The following AIDA variants were observed in gnomAD, a reference collection of about 807,000 sequenced individuals.
AIDA encodes axin interactor, dorsalization-associated protein.
Under a neutral mutation model 42.7 loss-of-function variants are expected in AIDA, and 18 were observed. That is an observed-to-expected ratio of 0.42 (90% CI 0.29 to 0.63). The LOEUF (loss-of-function observed/expected upper bound fraction) is 0.63, where lower values mean the gene tolerates loss of function less well. AIDA is among the 20% of genes least tolerant of loss of function. The pLI is 0.19. For missense variants in AIDA, 250 were observed against 354.1 expected (o/e 0.71, Z 2.36); for synonymous variants, 104 against 122.9 (o/e 0.85, Z 1.02).
At position 222,700,985 on chromosome 1, in the gene AIDA, C is replaced by A. The variant is rs1451801326; in HGVS notation, c.180+2163G>T. ...TTGATTTTTTTTGGGGGGGGGGGGA[C>A]AGGGTCTCACTGTGTCGCCCAGGCT... On this transcript the variant is annotated intron_variant, in intron 2 of 9. Transcript: ENST00000340020. Among the ~76,000 whole-genome samples, 123 of 99,762 alleles carry A rather than the reference C, an allele frequency of 1.2e-3. 2 individuals carry two copies. The highest frequency in any genetic ancestry group is 5.2e-3 in the African/African-American group (112 of 21,388). The allele number at this position is 99,762 out of a possible 152,430, so 65.4% of individuals were successfully genotyped here. A position where few individuals can be genotyped will look rare whatever the true frequency, so the allele number is the denominator to read the frequency against.
In AIDA at chr1:222,687,677, G is replaced by C; in HGVS notation, c.290-19C>G. On this transcript the variant is annotated intron_variant, in intron 4 of 9. Transcript: ENST00000340020. ...TTTAGGACTAGAATAAGAAGATAAA[G>C]AAACATGAATTCTTCCATGAAGCAA... 6.9e-7 allele frequency: 1 copy of C among 1,442,468 alleles called. No individual in the cohort carries two copies. The highest frequency in any genetic ancestry group is 9.4e-7 in the Non-Finnish European group (1 of 1,069,512). 89.4% of individuals were successfully genotyped at this position (1,442,468 alleles called of 1,614,324 possible). A position where few individuals can be genotyped will look rare whatever the true frequency, so the allele number is the denominator to read the frequency against.
intron 6 of AIDA, among the ~76,000 whole-genome samples, chr1:222,680,110 T>C (rs899616424): frequency 6.6e-6 from 1 of 152,222 alleles, no homozygotes; most frequent in Non-Finnish European, 1.5e-5. Flanking sequence ...GCCCCTGCAA[T>C]GGGCTTTGTA....
At chr1:222,680,630 C>G (rs1297805254) in intron 6 of AIDA, among the ~76,000 whole-genome samples, 1 of 152,102 alleles carries the variant, frequency 6.6e-6, no homozygotes, top group African/African-American at 2.4e-5. Flanking sequence ...TCCAAGTTGC[C>G]TCATCTGTGA....
chr1:222,693,710 C>A, intron 4 of AIDA, 79 bp downstream of exon 4: 1 of 1,209,848 alleles, frequency 8.3e-7, no homozygotes, highest in South Asian at 1.4e-5. Context: ...AAATCATAAT[C>A]TTTGTTAAAT....
chr1:222,690,217 G>A (rs1655336314), intron 4 of AIDA, among the ~76,000 whole-genome samples: 1 of 152,158 alleles, frequency 6.6e-6, no homozygotes, highest in South Asian at 2.1e-4. Context: ...ATATACACAT[G>A]TACTTCCATA....
At chr1:222,689,074 TA>T (rs924880046) in intron 4 of AIDA, among the ~76,000 whole-genome samples, 1 of 151,390 alleles carries the variant, frequency 6.6e-6, no homozygotes, top group Non-Finnish European at 1.5e-5. Context: ...TCTTAGTTGT[TA>T]AAAAAAAGTT....
chr1:222,671,079 T>C (rs1157966007), intron 8 of AIDA, among the ~76,000 whole-genome samples: 3 of 151,956 alleles, frequency 2.0e-5, no homozygotes, highest in East Asian at 3.9e-4. Flanking sequence ...ATTTTAAAAA[T>C]AGCCAGGCTC....
Position 222,711,897 on chromosome 1 carries a change from C to G in AIDA, c.110+311G>C, listed in dbSNP as rs569837392. 9.6e-5 allele frequency: 28 copies of G among 293,136 alleles called. No homozygotes were observed. In the East Asian group the frequency reaches 1.9e-3, roughly 20 times the overall value. 18.2% of individuals were successfully genotyped at this position (293,136 alleles called of 1,614,324 possible). A position where few individuals can be genotyped will look rare whatever the true frequency, so the allele number is the denominator to read the frequency against. On this transcript the variant is annotated intron_variant, in intron 1 of 9. Coordinates refer to ENST00000340020, the MANE Select transcript of AIDA (RefSeq NM_022831.4). ...AACTGACTGCCAAGTGGGGGACCCGCGAGACGGTGGAAAGGAACTAAGCAG... is the reference window on the plus strand; with the variant it reads ...AACTGACTGCCAAGTGGGGGACCCGGGAGACGGTGGAAAGGAACTAAGCAG...
intron 2 of AIDA, among the ~76,000 whole-genome samples, chr1:222,702,728 G>A (rs1235752897): frequency 6.6e-6 from 1 of 152,240 alleles, no homozygotes; most frequent in African/African-American, 2.4e-5. Flanking sequence ...GTAGACAGGA[G>A]TTAGGAAAGT....
intron 6 of AIDA, among the ~76,000 whole-genome samples, chr1:222,679,559 T>C (rs1337742850): frequency 6.6e-6 from 1 of 152,238 alleles, no homozygotes; most frequent in Admixed American, 6.5e-5. Flanking sequence ...ACTAACTCAT[T>C]TAATCCTCCC....
intron 2 of AIDA, among the ~76,000 whole-genome samples, chr1:222,700,981 G>T (rs533891619): frequency 1.2e-4 from 17 of 144,806 alleles, no homozygotes; most frequent in East Asian, 4.0e-4. Flanking sequence ...TGGGGGGGGG[G>T]GGACAGGGTC....
chr1:222,679,988 T>C (rs1383475492), intron 6 of AIDA, among the ~76,000 whole-genome samples: 1 of 152,212 alleles, frequency 6.6e-6, no homozygotes, highest in Non-Finnish European at 1.5e-5. Context: ...AATCCCAGGG[T>C]GTCCCTGAAC....
intron 2 of AIDA, among the ~76,000 whole-genome samples, chr1:222,695,218 G>T (rs554417503): frequency 6.6e-6 from 1 of 152,164 alleles, no homozygotes; most frequent in African/African-American, 2.4e-5. Context: ...GTGGCCGGGC[G>T]TGGTAGCTCA....
rs1273716244 is a variant in AIDA, at chr1:222,703,144, G to A, written c.180+4C>T. 8.1e-6 allele frequency: 13 copies of A among 1,597,846 alleles called. No individual in the cohort carries two copies. In the South Asian group the frequency reaches 1.5e-4, roughly 18 times the overall value. ...TGATATATCTAGAGATTATTTTATG[G>A]TACCTTTTGTTCTTCTGTGAATTCA... On this transcript the variant is annotated splice_donor_region_variant and intron_variant, in intron 2 of 9. Coordinates refer to ENST00000340020, the MANE Select transcript of AIDA (RefSeq NM_022831.4).
intron 1 of AIDA, among the ~76,000 whole-genome samples, chr1:222,710,643 TATC>T (rs1302717757): frequency 1.3e-5 from 2 of 152,220 alleles, no homozygotes; most frequent in Non-Finnish European, 2.9e-5. Flanking sequence ...AAGAAAATCT[TATC>T]ATTTGTCTAA....
At chr1:222,697,435 T>C (rs1260864873) in intron 2 of AIDA, among the ~76,000 whole-genome samples, 1 of 150,430 alleles carries the variant, frequency 6.6e-6, no homozygotes, top group African/African-American at 2.4e-5. Flanking sequence ...GCTACTGTAA[T>C]TGTTTCACTT....
rs1179355454 is a variant in AIDA, at chr1:222,693,801, T to G, written c.277A>C (p.Lys93Gln). ...QEEFKLEDLK[K>Q]LEPILKNILT... Reference sequence around the variant, plus strand: ...AACTTAAACTTACTTGGTTCTAGCTTCTTCAGGTCCTCCAGTTTAAATTCT... The same window carrying G: ...AACTTAAACTTACTTGGTTCTAGCTGCTTCAGGTCCTCCAGTTTAAATTCT... Residue 93 changes from lysine to glutamine, a missense_variant, in exon 4 of 10, where the codon AAG becomes CAG. This residue lies in a region of AIDA where 199 missense variants were observed against 232.6 expected (regional missense o/e 0.86). Transcript: ENST00000340020. The G allele has an allele frequency of 6.2e-7, 1 of 1,609,854 alleles. No homozygotes were observed. Among genetic ancestry groups the G allele is most frequent in the African/African-American group, 1.3e-5 (1 of 74,862 alleles).
Position 222,668,466 on chromosome 1 carries a change from A to G in AIDA, c.*1427T>C, listed in dbSNP as rs1664383374. The G allele has an allele frequency of 1.5e-5, 1 of 67,844 alleles. No homozygotes were observed. The highest frequency in any genetic ancestry group is 2.9e-5 in the Non-Finnish European group (1 of 34,816). The allele number at this position is 67,844 out of a possible 1,614,324, so 4.2% of individuals were successfully genotyped here. On this transcript the variant is annotated 3_prime_UTR_variant, in exon 10 of 10. Transcript: ENST00000340020. ...CCAATCAAGATGAGAGACAAGACTA[A>G]ATTTGGCTGAGAATTCATTCAGGCT...
At chr1:222,691,399 C>A (rs948801642) in intron 4 of AIDA, among the ~76,000 whole-genome samples, 1 of 152,198 alleles carries the variant, frequency 6.6e-6, no homozygotes, top group Non-Finnish European at 1.5e-5. Flanking sequence ...CACTCTGAAT[C>A]TCAGTTTCCT....
Sources: gnomAD v4.1 joint callset for allele counts (sites outside exome capture counted in the v4.1 genomes callset) on GRCh38, gnomAD v4.1.1 for gene constraint, gnomAD v4.1.1 regional missense constraint, MANE v1.5 for transcripts, NCBI Gene and HGNC (gene_info 2026-07-23, HGNC 2026-07-21) for gene names.